The following OSGIN1 variants were observed in gnomAD, a reference collection of about 807,000 sequenced individuals.
OSGIN1 encodes the protein oxidative stress-induced growth inhibitor 1.
In OSGIN1, 19 loss-of-function variants were observed where a neutral mutation model predicts 20.1. The ratio of observed to expected loss-of-function variants is 0.95; its 90% CI spans 0.66 to 1.39. The LOEUF (loss-of-function observed/expected upper bound fraction) is 1.39, where lower values mean the gene tolerates loss of function less well. Among genes scored for constraint, OSGIN1 ranks in the 40% most tolerant of loss-of-function variants. OSGIN1 has a pLI of 0.00. For missense variants in OSGIN1, 820 were observed against 653.0 expected (o/e 1.26, Z -2.79); for synonymous variants, 368 against 297.8 (o/e 1.24, Z -2.43).
Position 83,960,582 on chromosome 16 carries a change from T to A in OSGIN1, c.218T>A (p.Leu73Gln), listed in dbSNP as rs1175914949. ...GCCCCCCTCCAGGACCTGGACTACC[T>A]GTCCGAAGGCCTCGAAGGCCGATCC... ...VSILDQDLDY[L>Q]SEGLEGRSQS... is the part of the protein sequence containing the mutation. Residue 73 changes from leucine to glutamine, a missense_variant, in exon 4 of 6, where the codon CTG (leucine) becomes CAG (glutamine). Physicochemically the swap from Leu to Gln is moderately radical, Grantham distance 113. Transcript: ENST00000393306. 6.2e-7 allele frequency: 1 copy of A among 1,613,188 alleles called. No individual in the cohort carries two copies. Among genetic ancestry groups the A allele is most frequent in the Non-Finnish European group, 8.5e-7 (1 of 1,179,928 alleles).
chr16:83,961,049 G>C lies in OSGIN1; in HGVS notation c.465G>C (p.Lys155Asn), dbSNP rs1404076928. ...QWMGLPDLEVKDWMQKKRRGL... is the reference protein window; with the variant it reads ...QWMGLPDLEVNDWMQKKRRGL... ...TGGGGCTCCCGGACCTGGAGGTCAA[G>C]GACTGGATGCAGAAGAAGCGAAGGT... Residue 155 changes from lysine (K) to asparagine (N), a missense_variant, in exon 5 of 6, where the codon AAG becomes AAC. Physicochemically the swap from Lys to Asn is moderately conservative, Grantham distance 94. Transcript: ENST00000393306. The C allele has an allele frequency of 6.2e-7, 1 of 1,613,534 alleles. No homozygotes were observed. Among genetic ancestry groups the C allele is most frequent in the Non-Finnish European group, 8.5e-7 (1 of 1,180,000 alleles).
chr16:83,960,421 A>T, intron 3 of OSGIN1, 148 bp from the exon 4 acceptor site: 1 of 634,766 alleles, frequency 1.6e-6, no homozygotes, highest in Non-Finnish European at 2.8e-6. Flanking sequence ...AGAGCTTCAA[A>T]CTACCCCCAG....
chr16:83,960,788 G>T (rs1466407767), intron 4 of OSGIN1, 28 bp downstream of exon 4: 1 of 1,606,664 alleles, frequency 6.2e-7, no homozygotes, highest in Non-Finnish European at 8.5e-7. Context: ...GGCATGGCTT[G>T]TGGGGGGCTC....
chr16:83,966,027 G>A lies in OSGIN1; in HGVS notation c.*20G>A. 2.0e-6 allele frequency: 3 copies of A among 1,496,452 alleles called. No individual in the cohort carries two copies. Among genetic ancestry groups the A allele is most frequent in the Admixed American group, 2.3e-5 (1 of 44,394 alleles). 92.7% of individuals were successfully genotyped at this position (1,496,452 alleles called of 1,614,324 possible). On this transcript the variant is annotated 3_prime_UTR_variant, in exon 6 of 6. Coordinates refer to ENST00000393306, the MANE Select transcript of OSGIN1 (RefSeq NM_182981.3). ...CCCTAACACTCGGCCAGACCCGCTGGCTCCCAGGCCCTGAGAGGACAGAGA... is the reference window on the plus strand; with the variant it reads ...CCCTAACACTCGGCCAGACCCGCTGACTCCCAGGCCCTGAGAGGACAGAGA...
At chr16:83,961,954 TTTTTC>T (rs1170958500) in intron 5 of OSGIN1, among the ~76,000 whole-genome samples, 1 of 146,936 alleles carries the variant, frequency 6.8e-6, no homozygotes, top group Non-Finnish European at 1.5e-5. Flanking sequence ...GTGACTTTCT[TTTTTC>T]TTTTCTTTTT....
chr16:83,964,228 C>T (rs1457073435), intron 5 of OSGIN1, among the ~76,000 whole-genome samples: 2 of 151,944 alleles, frequency 1.3e-5, no homozygotes, highest in Admixed American at 6.6e-5. Context: ...CACCTGAGCC[C>T]GGGAGGCAGG....
At chr16:83,957,821 TC>T in intron 2 of OSGIN1, 83 bp downstream of exon 2, 1 of 536,140 alleles carries the variant, frequency 1.9e-6, no homozygotes, top group Non-Finnish European at 3.2e-6. Flanking sequence ...GCTGGGCAAG[TC>T]CAGGCCTGGT....
chr16:83,958,957 C>T (rs3759971), intron 2 of OSGIN1, among the ~76,000 whole-genome samples: 12,743 of 152,182 alleles, frequency 0.084, 1,047 homozygotes, highest in African/African-American at 0.2. Flanking sequence ...TCTCTGTGCC[C>T]ATTTCCTCAA....
At chr16:83,964,682 C>G (rs936545505) in intron 5 of OSGIN1, among the ~76,000 whole-genome samples, 4 of 152,208 alleles carry the variant, frequency 2.6e-5, no homozygotes, top group African/African-American at 4.8e-5. Flanking sequence ...ATCCTCCCCA[C>G]GACCTCACGA....
chr16:83,960,745 CG>C lies in OSGIN1; in HGVS notation c.386del (p.Gly129GlufsTer11). ...PHVVLGRNLPGGAWHSIEGSM... is the reference protein window; with the variant it reads ...PHVVLGRNLPXGAWHSIEGSM... Reference sequence around the variant, plus strand: ...ACGTGGTTCTGGGCCGGAACCTCCCCGGGGGAGCCTGGCACGTGAGTGGGGC... The same window carrying C: ...ACGTGGTTCTGGGCCGGAACCTCCCCGGGGAGCCTGGCACGTGAGTGGGGC... On this transcript the variant is annotated frameshift_variant, in exon 4 of 6. Transcript: ENST00000393306. LOFTEE classifies it high-confidence loss of function. 1 of 1,613,138 alleles carries C rather than the reference CG, an allele frequency of 6.2e-7. No homozygotes were observed. The highest frequency in any genetic ancestry group is 8.5e-7 in the Non-Finnish European group (1 of 1,179,948).
intron 2 of OSGIN1, 138 bp from the exon 3 acceptor site, chr16:83,959,122 G>T (rs1264732067): frequency 6.0e-6 from 4 of 666,564 alleles, no homozygotes; most frequent in African/African-American, 5.5e-5. Flanking sequence ...TCTGGCACAG[G>T]CTAAGGGCTT....
intron 1 of OSGIN1, among the ~76,000 whole-genome samples, chr16:83,955,540 C>T (rs536886279): frequency 1.4e-4 from 22 of 152,248 alleles, no homozygotes; most frequent in African/African-American, 4.1e-4. Flanking sequence ...CTATAAAGGG[C>T]GGTGAGAAAC....
intron 5 of OSGIN1, among the ~76,000 whole-genome samples, chr16:83,963,321 C>T (rs948392046): frequency 3.3e-5 from 5 of 152,166 alleles, no homozygotes; most frequent in African/African-American, 7.2e-5. Context: ...GAAGTCACAG[C>T]GTTCAAAACC....
intron 5 of OSGIN1, among the ~76,000 whole-genome samples, chr16:83,962,299 C>A (rs572004318): frequency 4.6e-5 from 7 of 152,124 alleles, no homozygotes; most frequent in Non-Finnish European, 8.8e-5. Flanking sequence ...AGTGCAGTGG[C>A]GCGATCTCAG....
intron 1 of OSGIN1, among the ~76,000 whole-genome samples, chr16:83,956,430 GC>G (rs1310205305): frequency 6.6e-6 from 1 of 152,198 alleles, no homozygotes; most frequent in Non-Finnish European, 1.5e-5. Context: ...GTGGCCCTGG[GC>G]CCCCACCCCT....
intron 4 of OSGIN1, 69 bp downstream of exon 4, chr16:83,960,829 A>C (rs1044128991): frequency 6.5e-6 from 10 of 1,532,950 alleles, no homozygotes; most frequent in Admixed American, 3.6e-5. Flanking sequence ...TGGGGCTGGG[A>C]CTCTGGCATC....
Position 83,964,465 on chromosome 16 carries a change from A to T in OSGIN1, c.489-597A>T, listed in dbSNP as rs2084253109. ...CCCAGAAGCCCCCATGCCCTTTCTG[A>T]TCAGGATCCCATTCCCCATCCCCGG... is the stretch of plus-strand genomic sequence containing the variant. On this transcript the variant is annotated intron_variant, in intron 5 of 5. Transcript: ENST00000393306. Among the ~76,000 whole-genome samples the T allele has an allele frequency of 2.6e-5, 4 of 152,118 alleles. No homozygotes were observed. The South Asian group carries it at 8.3e-4, about 32-fold the overall frequency.
chr16:83,960,161 C>G (rs1415880248), intron 3 of OSGIN1, among the ~76,000 whole-genome samples: 2 of 152,194 alleles, frequency 1.3e-5, no homozygotes, highest in African/African-American at 4.8e-5. Flanking sequence ...AATGTCCCCA[C>G]TCCAGTAAAA....
rs2151073627 is a variant in OSGIN1, at chr16:83,953,309, C to T, written c.-94C>T. 2 of 1,288,974 alleles carry T rather than the reference C, an allele frequency of 1.6e-6. No homozygotes were observed. The highest frequency in any genetic ancestry group is 4.3e-4 in the Middle Eastern group (2 of 4,684). 79.8% of individuals were successfully genotyped at this position (1,288,974 alleles called of 1,614,324 possible). A position where few individuals can be genotyped will look rare whatever the true frequency, so the allele number is the denominator to read the frequency against. ...CGGGGGACTCTGTGATCCGTGTTCCCCTGACCCTCCTAGTGCACAACTTGG... is the reference window on the plus strand; with the variant it reads ...CGGGGGACTCTGTGATCCGTGTTCCTCTGACCCTCCTAGTGCACAACTTGG... On this transcript the variant is annotated 5_prime_UTR_variant, in exon 1 of 6. Transcript: ENST00000393306.
Sources: allele counts gnomAD v4.1 joint callset (sites outside exome capture counted in the v4.1 genomes callset), GRCh38; gene constraint gnomAD v4.1.1; transcripts MANE v1.5; gene names NCBI Gene and HGNC (gene_info 2026-07-23, HGNC 2026-07-21).